PTPRD: variants seen among roughly 807,000 people sequenced by gnomAD.
PTPRD encodes the protein protein tyrosine phosphatase receptor type D.
PTPRD carries 34 observed loss-of-function variants against 214.5 expected under a neutral mutation model. The ratio of observed to expected loss-of-function variants is 0.16; its 90% CI spans 0.12 to 0.21. The LOEUF is 0.21. PTPRD is among the 10% of genes least tolerant of loss of function. The pLI is 1.00. For synonymous variants in PTPRD, 1,128 were observed against 845.7 expected (o/e 1.33, Z -5.79); for missense variants, 2,545 against 2,398.7 (o/e 1.06, Z -1.27).
intron 8 of PTPRD, among the ~76,000 whole-genome samples, chr9:9,457,060 C>T (rs2093110827): frequency 1.3e-5 from 2 of 151,848 alleles, no homozygotes; most frequent in South Asian, 2.1e-4. Context: ...TGAGTTGTCT[C>T]CTAGGATCAG....
rs1010368195 is a variant in PTPRD at position 10,337,475 on chromosome 9, T to C, written c.-545+3488A>G. 5.9e-5 allele frequency among the ~76,000 whole-genome samples: 9 copies of C among 151,706 alleles called. No homozygotes were observed. The East Asian group carries it at 1.6e-3, about 26-fold the overall frequency. Reference sequence around the variant, plus strand: ...TGAACAAAACAGAGATAGTATAGTTTAATAGGTCCTAAAGAAATGCATAAC... The same window carrying C: ...TGAACAAAACAGAGATAGTATAGTTCAATAGGTCCTAAAGAAATGCATAAC... On this transcript the variant is annotated intron_variant, in intron 3 of 45. Transcript: ENST00000381196.
chr9:10,155,457 T>C (rs755852621), intron 3 of PTPRD, among the ~76,000 whole-genome samples: 4 of 152,190 alleles, frequency 2.6e-5, no homozygotes, highest in Non-Finnish European at 4.4e-5. Flanking sequence ...CTTGCCTGTT[T>C]GTTCTCGCCA....
At chr9:9,732,952 C>A (rs1451326376) in intron 7 of PTPRD, among the ~76,000 whole-genome samples, 1 of 151,702 alleles carries the variant, frequency 6.6e-6, no homozygotes, top group Non-Finnish European at 1.5e-5. Flanking sequence ...ATTTCAAGTT[C>A]CTTTTGTTCA....
intron 5 of PTPRD, among the ~76,000 whole-genome samples, chr9:9,785,802 T>A (rs530354903): frequency 8.2e-4 from 125 of 152,242 alleles, no homozygotes; most frequent in Middle Eastern, 3.4e-3. Flanking sequence ...CTATGTCAGT[T>A]GTTAACATTA....
chr9:9,602,300 T>C (rs1284312370), intron 7 of PTPRD, among the ~76,000 whole-genome samples: 2 of 152,064 alleles, frequency 1.3e-5, no homozygotes, highest in Non-Finnish European at 2.9e-5. Context: ...GCCTTTTCAA[T>C]TTGAAATGAA....
chr9:9,549,142 G>GA (rs1025312560), intron 8 of PTPRD, among the ~76,000 whole-genome samples: 5 of 151,712 alleles, frequency 3.3e-5, no homozygotes, highest in African/African-American at 1.2e-4. Flanking sequence ...ACTTATAAAA[G>GA]AAAAAAAGCT....
chr9:9,931,759 C>T (rs1159557508), intron 5 of PTPRD, among the ~76,000 whole-genome samples: 1 of 151,774 alleles, frequency 6.6e-6, no homozygotes, highest in Admixed American at 6.6e-5. Flanking sequence ...TCTGTAGGCT[C>T]CACCTCTGGG....
At chr9:10,384,346 G>A (rs1324468251) in intron 2 of PTPRD, among the ~76,000 whole-genome samples, 2 of 151,584 alleles carry the variant, frequency 1.3e-5, no homozygotes, top group African/African-American at 4.8e-5. Context: ...ATTTTAAAAT[G>A]TGGTAGGTAT....
At chr9:9,800,930 G>A (rs969444459) in intron 5 of PTPRD, among the ~76,000 whole-genome samples, 2 of 152,052 alleles carry the variant, frequency 1.3e-5, no homozygotes, top group African/African-American at 4.8e-5. Flanking sequence ...GGAGATACAC[G>A]ATTAGTTGAG....
At chr9:8,357,297 C>A (rs2077208419) in intron 39 of PTPRD, among the ~76,000 whole-genome samples, 1 of 152,316 alleles carries the variant, frequency 6.6e-6, no homozygotes, top group African/African-American at 2.4e-5. Context: ...GAAGTTAAAG[C>A]TATTCCCTCT....
At chr9:9,597,313 T>C (rs764804089) in intron 7 of PTPRD, among the ~76,000 whole-genome samples, 2 of 152,032 alleles carry the variant, frequency 1.3e-5, no homozygotes, top group Non-Finnish European at 2.9e-5. Flanking sequence ...TTCATAGCTA[T>C]ATTGATGTTG....
At chr9:8,612,181 A>G (rs2095476537) in intron 14 of PTPRD, among the ~76,000 whole-genome samples, 1 of 152,216 alleles carries the variant, frequency 6.6e-6, no homozygotes, top group Non-Finnish European at 1.5e-5. Flanking sequence ...AACTTCCAGA[A>G]AGATGATATT....
chr9:10,525,926 C>T (rs1447490106), intron 2 of PTPRD, among the ~76,000 whole-genome samples: 2 of 151,980 alleles, frequency 1.3e-5, no homozygotes, highest in South Asian at 4.1e-4. Context: ...CTGTGCTATC[C>T]AAGACATAGT....
chr9:8,497,119 A>T (rs1353052307), intron 26 of PTPRD, 123 bp downstream of exon 26: 1 of 845,542 alleles, frequency 1.2e-6, no homozygotes, highest in African/African-American at 1.8e-5. Flanking sequence ...GATAACTTAA[A>T]AATAATTTGT....
chr9:9,598,571 C>A (rs1002694222), intron 7 of PTPRD, among the ~76,000 whole-genome samples: 5 of 151,892 alleles, frequency 3.3e-5, no homozygotes, highest in Non-Finnish European at 7.4e-5. Context: ...CTACTATAGA[C>A]CTACTATAGA....
chr9:9,008,167 T>C (rs2099489434), intron 11 of PTPRD, among the ~76,000 whole-genome samples: 1 of 149,082 alleles, frequency 6.7e-6, no homozygotes, highest in Non-Finnish European at 1.5e-5. Flanking sequence ...CCACAGTCCA[T>C]GAGAGTCTGT....
intron 3 of PTPRD, among the ~76,000 whole-genome samples, chr9:10,113,161 A>C (rs72694888): frequency 0.053 from 8,024 of 152,302 alleles, 280 homozygotes; most frequent in Admixed American, 0.1. Flanking sequence ...TGGGCTCATT[A>C]CAAAGAGTTT....
intron 3 of PTPRD, among the ~76,000 whole-genome samples, chr9:10,263,969 CAG>C (rs1265742010): frequency 6.6e-6 from 1 of 152,142 alleles, no homozygotes. Context: ...AGGTACAGCT[CAG>C]GGCATGGCTT....
intron 10 of PTPRD, among the ~76,000 whole-genome samples, chr9:9,084,358 C>T (rs1434338353): frequency 6.6e-6 from 1 of 152,070 alleles, no homozygotes; most frequent in South Asian, 2.1e-4. Flanking sequence ...ACAATGAGAA[C>T]ATATGGACAC....
Sources: allele counts gnomAD v4.1 joint callset (sites outside exome capture counted in the v4.1 genomes callset), GRCh38; gene constraint gnomAD v4.1.1; transcripts MANE v1.5; gene names NCBI Gene and HGNC (gene_info 2026-07-23, HGNC 2026-07-21).